Variants in TRIO observed in about 807,000 individuals in gnomAD.
TRIO encodes the protein trio Rho guanine nucleotide exchange factor, also known as triple functional domain protein.
Under a neutral mutation model 351.9 loss-of-function variants are expected in TRIO, and 58 were observed. The observed-to-expected ratio is 0.16, with a 90% CI of 0.13 to 0.21. The LOEUF is 0.21. TRIO is among the 10% of genes least tolerant of loss of function. TRIO has a pLI of 1.00. For missense variants in TRIO, 3,201 were observed against 4,027.8 expected (o/e 0.79, Z 5.56); for synonymous variants, 1,758 against 1,595.7 (o/e 1.10, Z -2.42).
intron 49 of TRIO, among the ~76,000 whole-genome samples, chr5:14,493,192 G>C (rs962892498): frequency 1.3e-5 from 2 of 152,154 alleles, no homozygotes; most frequent in Admixed American, 6.5e-5. Context: ...CCGCATATTA[G>C]TCAGGGTCCT....
intron 1 of TRIO, among the ~76,000 whole-genome samples, chr5:14,154,033 C>T (rs188365129): frequency 2.8e-4 from 42 of 152,238 alleles, no homozygotes; most frequent in Middle Eastern, 3.4e-3. Flanking sequence ...TTACCTTTTA[C>T]GTAAATAACC....
intron 53 of TRIO, among the ~76,000 whole-genome samples, chr5:14,500,738 A>G (rs1468089898): frequency 6.6e-6 from 1 of 152,022 alleles, no homozygotes; most frequent in East Asian, 1.9e-4. Context: ...AATACAAAAA[A>G]TTAGCTGGGT....
At chr5:14,477,005 C>T in intron 41 of TRIO, 42 bp downstream of exon 41, 2 of 1,538,246 alleles carry the variant, frequency 1.3e-6, no homozygotes, top group African/African-American at 1.4e-5. Context: ...CTGATGGTGT[C>T]ATCCTTAGTC....
rs371139128 is a variant in TRIO at position 14,218,925 on chromosome 5, C to G, written c.158-51900C>G. On this transcript the variant is annotated intron_variant, in intron 1 of 56. Transcript: ENST00000344204. Reference sequence around the variant, plus strand: ...GCCGCTGGCAGTGCCGGCAGCAACCCTTCTCCGGCTCTTACTGAGCTAGGG... The same window carrying G: ...GCCGCTGGCAGTGCCGGCAGCAACCGTTCTCCGGCTCTTACTGAGCTAGGG... Among the ~76,000 whole-genome samples, 53 of 152,364 alleles carry G rather than the reference C, an allele frequency of 3.5e-4. 1 individual carries two copies. In the South Asian group the frequency reaches 0.011, roughly 31 times the overall value.
chr5:14,403,752 AGGT>A (rs1349253086), intron 31 of TRIO, among the ~76,000 whole-genome samples: 4 of 74,974 alleles, frequency 5.3e-5, no homozygotes, highest in African/African-American at 1.2e-4. Flanking sequence ...GTGAGGGTGC[AGGT>A]GGTGGTGGTG....
intron 21 of TRIO, among the ~76,000 whole-genome samples, chr5:14,384,290 A>C (rs1746360794): frequency 6.6e-6 from 1 of 152,228 alleles, no homozygotes; most frequent in Non-Finnish European, 1.5e-5. Context: ...CCGCAATGCC[A>C]AATGCCTTAC....
intron 1 of TRIO, among the ~76,000 whole-genome samples, chr5:14,257,663 T>C (rs1008052664): frequency 6.6e-6 from 1 of 152,174 alleles, no homozygotes; most frequent in Non-Finnish European, 1.5e-5. Context: ...ATAGTCCACC[T>C]GGGAGAAGTT....
Position 14,508,464 on chromosome 5 carries a change from CA to C in TRIO, c.*43del, listed in dbSNP as rs751354756. On this transcript the variant is annotated 3_prime_UTR_variant, in exon 57 of 57. Transcript: ENST00000344204. ...TTCTCATTCTCTTTCACCTGCCAAT[CA>C]GCTGTTAATCTGAATTTTCAAGAGA... 6.5e-7 allele frequency: 1 copy of C among 1,541,174 alleles called. No individual in the cohort carries two copies.
chr5:14,343,165 C>T (rs984990374), intron 11 of TRIO, among the ~76,000 whole-genome samples: 3 of 151,542 alleles, frequency 2.0e-5, no homozygotes, highest in African/African-American at 4.9e-5. Context: ...ACAGCGGTAG[C>T]ATCTTGCATA....
chr5:14,342,483 A>G (rs247139), intron 11 of TRIO, among the ~76,000 whole-genome samples: 133,596 of 152,288 alleles, frequency 0.88, 58,987 homozygotes, highest in African/African-American at 0.96. Context: ...CTGTCACTAA[A>G]CAGGCCTCAC....
chr5:14,243,764 A>G lies in TRIO; in HGVS notation c.158-27061A>G, dbSNP rs571231137. ...TAGCATTTTTTCTTTAATTGTGTAC[A>G]TTTTTCATGAGTTTTTGTCTAGTAT... On this transcript the variant is annotated intron_variant, in intron 1 of 56. Transcript: ENST00000344204. Among the ~76,000 whole-genome samples the G allele has an allele frequency of 6.6e-5, 10 of 152,244 alleles. No homozygotes were observed. In the East Asian group the frequency reaches 1.9e-3, roughly 29 times the overall value.
At chr5:14,341,959 C>CT (rs1319424261) in intron 11 of TRIO, among the ~76,000 whole-genome samples, 1 of 152,212 alleles carries the variant, frequency 6.6e-6, no homozygotes, top group Non-Finnish European at 1.5e-5. Flanking sequence ...AAAGAGGAAC[C>CT]TTTCATTTTA....
intron 8 of TRIO, 75 bp from the exon 9 acceptor site, chr5:14,316,438 C>T (rs1561330582): frequency 1.4e-6 from 2 of 1,478,664 alleles, no homozygotes; most frequent in Non-Finnish European, 1.9e-6. Flanking sequence ...ACACATGTAT[C>T]CAAGGACAGC....
chr5:14,319,002 G>A (rs894204560), intron 9 of TRIO, among the ~76,000 whole-genome samples: 6 of 152,066 alleles, frequency 3.9e-5, no homozygotes, highest in Non-Finnish European at 8.8e-5. Flanking sequence ...AGGTAAGGAA[G>A]CCCTTGGGAA....
At chr5:14,216,822 G>A (rs1300305763) in intron 1 of TRIO, among the ~76,000 whole-genome samples, 1 of 152,210 alleles carries the variant, frequency 6.6e-6, no homozygotes, top group East Asian at 1.9e-4. Context: ...TTCCATGACT[G>A]GCCTATTTGC....
intron 14 of TRIO, among the ~76,000 whole-genome samples, chr5:14,364,252 C>A (rs1473360971): frequency 1.3e-5 from 2 of 152,218 alleles, no homozygotes; most frequent in Non-Finnish European, 2.9e-5. Context: ...TTATGTTTTA[C>A]CAGCAGATGT....
At chr5:14,310,063 TC>T (rs1295638909) in intron 8 of TRIO, among the ~76,000 whole-genome samples, 2 of 152,172 alleles carry the variant, frequency 1.3e-5, no homozygotes, top group African/African-American at 4.8e-5. Flanking sequence ...CACCTGGGCC[TC>T]CTGAACACTC....
intron 55 of TRIO, among the ~76,000 whole-genome samples, chr5:14,506,716 G>A (rs754763427): frequency 2.0e-5 from 3 of 152,148 alleles, no homozygotes; most frequent in South Asian, 2.1e-4. Flanking sequence ...ACATGATCTC[G>A]GTGAGTCTTC....
Position 14,498,628 on chromosome 5 carries a change from C to T in TRIO, c.8320C>T (p.Leu2774=). The T allele has an allele frequency of 6.2e-7, 1 of 1,613,910 alleles. No individual in the cohort carries two copies. Among genetic ancestry groups the T allele is most frequent in the Non-Finnish European group, 8.5e-7 (1 of 1,179,774 alleles). ...DMGSASSSAS[L]RVLGPGMDGI... is the part of the protein sequence containing the mutation. ...GGGTTCAGCCTCATCGTCGGCCAGC[C>T]TGAGGGTCCTAGGTAAGCACCGTGC... The change falls in exon 53 of 57, where the codon CTG becomes TTG. Residue 2774 remains leucine, a synonymous_variant. Transcript: ENST00000344204.
Sources: allele counts gnomAD v4.1 joint callset (sites outside exome capture counted in the v4.1 genomes callset), GRCh38; gene constraint gnomAD v4.1.1; transcripts MANE v1.5; gene names NCBI Gene and HGNC (gene_info 2026-07-23, HGNC 2026-07-21).